Variants in WWTR1 observed in about 807,000 individuals in gnomAD.
The protein encoded by WWTR1 is WW domain containing transcription regulator 1, also known as WW domain-containing transcription regulator protein 1.
In WWTR1, 13 loss-of-function variants were observed where a neutral mutation model predicts 40.1. The observed-to-expected ratio is 0.32, with a 90% CI of 0.21 to 0.52. WWTR1 has a LOEUF of 0.52. WWTR1 is among the 20% of genes least tolerant of loss of function. The pLI, the probability that WWTR1 is intolerant of heterozygous loss-of-function variation, is 0.97. For synonymous variants in WWTR1, 230 were observed against 210.1 expected (o/e 1.09, Z -0.82); for missense variants, 436 against 523.1 (o/e 0.83, Z 1.63).
intron 2 of WWTR1, among the ~76,000 whole-genome samples, chr3:149,667,627 G>A (rs562129756): frequency 2.0e-5 from 3 of 151,794 alleles, no homozygotes; most frequent in Admixed American, 6.6e-5. Flanking sequence ...CTCCAAATTC[G>A]TGGAAGCCCC....
At chr3:149,546,357 T>A (rs1282056648) in intron 3 of WWTR1, among the ~76,000 whole-genome samples, 1 of 152,240 alleles carries the variant, frequency 6.6e-6, no homozygotes, top group African/African-American at 2.4e-5. Flanking sequence ...GATCTTAATG[T>A]CCATCAGTGG....
intron 2 of WWTR1, among the ~76,000 whole-genome samples, chr3:149,605,500 G>A (rs1739444696): frequency 6.6e-6 from 1 of 152,160 alleles, no homozygotes; most frequent in African/African-American, 2.4e-5. Context: ...GAGCAATGTG[G>A]TTACTGAGTT....
At chr3:149,673,087 A>G (rs563291160) in intron 1 of WWTR1, among the ~76,000 whole-genome samples, 29 of 152,340 alleles carry the variant, frequency 1.9e-4, no homozygotes, top group African/African-American at 6.7e-4. Flanking sequence ...TTTTAAAAGA[A>G]GAAATAGGCC....
At chr3:149,649,685 G>T (rs896494604) in intron 2 of WWTR1, among the ~76,000 whole-genome samples, 2 of 152,142 alleles carry the variant, frequency 1.3e-5, no homozygotes, top group Non-Finnish European at 2.9e-5. Flanking sequence ...GGGATGCCAT[G>T]GTGGGCAGAT....
At chr3:149,621,387 T>C (rs1449282466) in intron 2 of WWTR1, among the ~76,000 whole-genome samples, 1 of 152,080 alleles carries the variant, frequency 6.6e-6, no homozygotes, top group East Asian at 1.9e-4. Flanking sequence ...AAAACCACAG[T>C]GCCCAAACAG....
intron 3 of WWTR1, among the ~76,000 whole-genome samples, chr3:149,569,824 GA>G (rs1737534467): frequency 6.6e-6 from 1 of 152,122 alleles, no homozygotes; most frequent in South Asian, 2.1e-4. Context: ...AGTGGGAGGA[GA>G]AGAATCTGCT....
chr3:149,529,697 C>G (rs1380384576), intron 4 of WWTR1, among the ~76,000 whole-genome samples: 1 of 152,070 alleles, frequency 6.6e-6, no homozygotes. Context: ...ACCTTATTAT[C>G]CAACCAAAGT....
chr3:149,680,472 A>G (rs1409990416), intron 1 of WWTR1, among the ~76,000 whole-genome samples: 1 of 152,132 alleles, frequency 6.6e-6, no homozygotes, highest in African/African-American at 2.4e-5. Flanking sequence ...TGAACCCAGG[A>G]GGCGGAGGTT....
At chr3:149,636,367 G>A (rs1261364288) in intron 2 of WWTR1, among the ~76,000 whole-genome samples, 1 of 152,146 alleles carries the variant, frequency 6.6e-6, no homozygotes, top group African/African-American at 2.4e-5. Context: ...GAAAGGTTAC[G>A]ATCTTAGGAT....
intron 2 of WWTR1, among the ~76,000 whole-genome samples, chr3:149,631,099 A>G (rs1711534487): frequency 6.6e-6 from 1 of 152,214 alleles, no homozygotes; most frequent in Non-Finnish European, 1.5e-5. Flanking sequence ...ATGCCAGGCA[A>G]GAGCTGTCCC....
chr3:149,646,939 T>G (rs931396388), intron 2 of WWTR1, among the ~76,000 whole-genome samples: 1 of 152,174 alleles, frequency 6.6e-6, no homozygotes, highest in Non-Finnish European at 1.5e-5. Flanking sequence ...GGGGACATGA[T>G]GTACATTTAA....
At chr3:149,639,360 C>T (rs1712020715) in intron 2 of WWTR1, among the ~76,000 whole-genome samples, 1 of 152,076 alleles carries the variant, frequency 6.6e-6, no homozygotes, top group Admixed American at 6.6e-5. Flanking sequence ...TGTGCACCAC[C>T]ACATTCTGTT....
At chr3:149,618,654 G>A (rs1391764258) in intron 2 of WWTR1, among the ~76,000 whole-genome samples, 1 of 152,216 alleles carries the variant, frequency 6.6e-6, no homozygotes, top group East Asian at 1.9e-4. Flanking sequence ...TATCATCGAA[G>A]AATAAGTACA....
rs926115606 is a variant in WWTR1, at chr3:149,550,373, A to C, written c.569-7836T>G. On this transcript the variant is annotated intron_variant, in intron 3 of 6. Coordinates refer to ENST00000360632, the MANE Select transcript of WWTR1 (RefSeq NM_015472.6). ...AATTTATTTTATTGGAAGATTTGTC[A>C]GTCTTTAGAGTAATAGGGGGTACCA... Among the ~76,000 whole-genome samples, 4 of 152,332 alleles carry C rather than the reference A, an allele frequency of 2.6e-5. No individual in the cohort carries two copies. In the East Asian group the frequency reaches 5.8e-4, roughly 22 times the overall value.
At chr3:149,572,586 G>A (rs1310806639) in intron 3 of WWTR1, among the ~76,000 whole-genome samples, 1 of 152,096 alleles carries the variant, frequency 6.6e-6, no homozygotes, top group African/African-American at 2.4e-5. Flanking sequence ...AGAAGAAGGA[G>A]CAAACACCGT....
chr3:149,528,363 A>G (rs2107910368), intron 4 of WWTR1, among the ~76,000 whole-genome samples: 1 of 152,384 alleles, frequency 6.6e-6, no homozygotes, highest in South Asian at 2.1e-4. Context: ...ACTATAAAGT[A>G]CATTCTGGTC....
chr3:149,596,957 A>C (rs538845633), intron 2 of WWTR1, among the ~76,000 whole-genome samples: 1 of 152,340 alleles, frequency 6.6e-6, no homozygotes, highest in South Asian at 2.1e-4. Context: ...AAGACCTTAG[A>C]ACAAAACCTG....
intron 2 of WWTR1, chr3:149,649,981 C>G (rs1364474434): frequency 6.6e-6 from 1 of 151,418 alleles, no homozygotes; most frequent in African/African-American, 2.4e-5. Flanking sequence ...AGGCTTGTCT[C>G]AAACTCTTGG....
At chr3:149,541,547 C>T (rs982692266) in intron 4 of WWTR1, among the ~76,000 whole-genome samples, 2 of 151,960 alleles carry the variant, frequency 1.3e-5, no homozygotes, top group Non-Finnish European at 2.9e-5. Context: ...CTGTGGTGGA[C>T]CAAGATCCTT....
Sources: gnomAD v4.1 joint callset for allele counts (sites outside exome capture counted in the v4.1 genomes callset) on GRCh38, gnomAD v4.1.1 for gene constraint, MANE v1.5 for transcripts, NCBI Gene and HGNC (gene_info 2026-07-23, HGNC 2026-07-21) for gene names.